Variants in NFXL1 observed in about 807,000 individuals in gnomAD.
NFXL1 encodes the protein nuclear transcription factor, X-box binding like 1, also known as NF-X1-type zinc finger protein NFXL1.
NFXL1 carries 66 observed loss-of-function variants against 123.3 expected under a neutral mutation model. The ratio of observed to expected loss-of-function variants is 0.54; its 90% confidence interval spans 0.44 to 0.66. The LOEUF (loss-of-function observed/expected upper bound fraction) is 0.66. Ranked by LOEUF, NFXL1 falls within the 30% of genes least tolerant of loss-of-function variation. The pLI is 0.00. For missense variants in NFXL1, 944 were observed against 1,125.6 expected, an observed-to-expected ratio of 0.84 and a Z score of 2.31; for synonymous variants, 346 against 360.8, an observed-to-expected ratio of 0.96 and a Z score of 0.46.
At chr4:47,896,750 G>A in intron 9 of NFXL1, 103 bp from the exon 10 acceptor site, 1 of 683,338 alleles carries the variant, frequency 1.5e-6, no homozygotes, top group Non-Finnish European at 2.4e-6. Context: ...AGCACTTTCA[G>A]ACTATAAATT....
At chr4:47,886,402 C>T (rs1447931144) in intron 12 of NFXL1, among the ~76,000 whole-genome samples, 1 of 151,660 alleles carries the variant, frequency 6.6e-6, no homozygotes, top group African/African-American at 2.4e-5. Flanking sequence ...AGGGTCTCAA[C>T]CTGTTGCTCA....
rs754850160 is a variant in NFXL1 at position 47,885,877 on chromosome 4, A to G, written c.1664+2T>C. ...GAAGCTTGTGCAAAGCTTCAAACTCACCTGCATTGCTCCTTGCACTTGGGT... is the reference window on the plus strand; with the variant it reads ...GAAGCTTGTGCAAAGCTTCAAACTCGCCTGCATTGCTCCTTGCACTTGGGT... On this transcript the variant is annotated splice_donor_variant, in intron 13 of 22. Coordinates refer to ENST00000507489, the MANE Select transcript of NFXL1 (RefSeq NM_001278624.2). LOFTEE classifies it high-confidence loss of function. 6.2e-7 allele frequency: 1 copy of G among 1,612,356 alleles called. No individual in the cohort carries two copies. The highest frequency in any genetic ancestry group is 8.5e-7 in the Non-Finnish European group (1 of 1,179,536).
At chr4:47,912,238 T>A (rs1737861741) in intron 2 of NFXL1, among the ~76,000 whole-genome samples, 1 of 152,076 alleles carries the variant, frequency 6.6e-6, no homozygotes, top group South Asian at 2.1e-4. Context: ...AAAGAGATGA[T>A]AAATGTCATT....
chr4:47,868,923 C>T (rs1338702082), intron 18 of NFXL1, among the ~76,000 whole-genome samples: 1 of 152,140 alleles, frequency 6.6e-6, no homozygotes, highest in Non-Finnish European at 1.5e-5. Flanking sequence ...CAAAGAGATA[C>T]AGAAACACAC....
intron 17 of NFXL1, among the ~76,000 whole-genome samples, chr4:47,878,075 A>G (rs1236778414): frequency 6.6e-6 from 1 of 152,010 alleles, no homozygotes; most frequent in Non-Finnish European, 1.5e-5. Flanking sequence ...TTTTACTTTT[A>G]ACAAAAGATT....
intron 20 of NFXL1, among the ~76,000 whole-genome samples, chr4:47,854,011 A>C (rs1734269846): frequency 6.6e-6 from 1 of 152,162 alleles, no homozygotes; most frequent in African/African-American, 2.4e-5. Flanking sequence ...GAGATTTCAG[A>C]GAAAACTTAA....
In NFXL1 at chr4:47,885,587, G is replaced by A. The variant is rs1736382399; in HGVS notation, c.1735C>T (p.His579Tyr). The change falls in exon 14 of 23, where the codon CAT becomes TAT. Residue 579 changes from histidine (H) to tyrosine (Y), a missense_variant. Coordinates refer to ENST00000507489, the MANE Select transcript of NFXL1 (RefSeq NM_001278624.2). ...TCCAAAACTTTTTGGCAAGGTTGAT[G>A]ACATGGTGGACAAGAACCAAAGTGA... ...RCHFGSCPPC[H>Y]QPCQKVLEKC... 1 of 1,613,738 alleles carries A rather than the reference G, an allele frequency of 6.2e-7. No individual in the cohort carries two copies. Among genetic ancestry groups the A allele is most frequent in the South Asian group, 1.1e-5 (1 of 91,078 alleles).
intron 6 of NFXL1, 80 bp from the exon 7 acceptor site, chr4:47,899,200 T>C: frequency 1.5e-6 from 2 of 1,359,040 alleles, no homozygotes; most frequent in Non-Finnish European, 2.0e-6. Flanking sequence ...TCTACACCTA[T>C]CAATAATTTC....
chr4:47,857,485 A>G (rs538019749), intron 19 of NFXL1, among the ~76,000 whole-genome samples: 9 of 152,326 alleles, frequency 5.9e-5, no homozygotes, highest in African/African-American at 1.9e-4. Context: ...AAAGTTAAAA[A>G]TCACTGGTCT....
intron 18 of NFXL1, among the ~76,000 whole-genome samples, chr4:47,868,244 G>T (rs1489423604): frequency 6.6e-6 from 1 of 151,884 alleles, no homozygotes; most frequent in African/African-American, 2.4e-5. Flanking sequence ...GCGTGAACTC[G>T]GGAAGCGGAG....
chr4:47,860,841 G>A (rs1256437564), intron 19 of NFXL1, among the ~76,000 whole-genome samples: 1 of 151,592 alleles, frequency 6.6e-6, no homozygotes, highest in East Asian at 1.9e-4. Flanking sequence ...ACTCTAGAGG[G>A]GGGCCCAGCA....
intron 18 of NFXL1, among the ~76,000 whole-genome samples, chr4:47,870,041 T>C (rs1160419931): frequency 6.6e-6 from 1 of 151,782 alleles, no homozygotes; most frequent in Non-Finnish European, 1.5e-5. Flanking sequence ...TTAGAAAAAA[T>C]AGAGAAAGTT....
At chr4:47,876,352 C>G (rs952792225) in intron 17 of NFXL1, among the ~76,000 whole-genome samples, 5 of 151,834 alleles carry the variant, frequency 3.3e-5, no homozygotes, top group African/African-American at 1.2e-4. Context: ...GGAAGCCTGA[C>G]TGATAAAGAT....
intron 17 of NFXL1, among the ~76,000 whole-genome samples, chr4:47,875,594 T>C (rs1409553475): frequency 6.6e-6 from 1 of 152,170 alleles, no homozygotes; most frequent in Non-Finnish European, 1.5e-5. Context: ...CCACTAAAAA[T>C]GTAAATTACT....
At position 47,847,914 on chromosome 4, in the gene NFXL1, T is replaced by C. The variant is rs1210771219; in HGVS notation, c.*249A>G. 3.1e-5 allele frequency: 9 copies of C among 294,948 alleles called. No individual in the cohort carries two copies. Among genetic ancestry groups the C allele is most frequent in the Non-Finnish European group, 5.6e-5 (9 of 161,906 alleles). 18.3% of individuals were successfully genotyped at this position (294,948 alleles called of 1,614,324 possible). A position where few individuals can be genotyped will look rare whatever the true frequency, so the allele number is the denominator to read the frequency against. On this transcript the variant is annotated 3_prime_UTR_variant, in exon 23 of 23. Transcript: ENST00000507489. ...CCCAATGAACAAAAACACGTTACTCTGCCTCTAGCTAAGCCTTATGAAATA... is the reference window on the plus strand; with the variant it reads ...CCCAATGAACAAAAACACGTTACTCCGCCTCTAGCTAAGCCTTATGAAATA...
chr4:47,899,141 A>G (rs751184722), intron 6 of NFXL1, 21 bp from the exon 7 acceptor site: 1 of 86,530 alleles, frequency 1.2e-5, no homozygotes, highest in South Asian at 2.1e-4. Context: ...GTAAAAGCAA[A>G]AAAAAAAAAA....
chr4:47,907,993 T>C (rs1737638270), intron 3 of NFXL1, among the ~76,000 whole-genome samples: 2 of 152,218 alleles, frequency 1.3e-5, no homozygotes, highest in African/African-American at 2.4e-5. Context: ...TTAGCAGATA[T>C]GGTAAATTCC....
At chr4:47,854,403 A>C (rs1734287654) in intron 20 of NFXL1, among the ~76,000 whole-genome samples, 1 of 152,154 alleles carries the variant, frequency 6.6e-6, no homozygotes, top group Admixed American at 6.6e-5. Flanking sequence ...AGGGAAGATC[A>C]AGGAAACAGA....
rs751672844 is a variant in NFXL1, at chr4:47,851,964, A to G, written c.2422-22T>C. ...ATTCCTACAAACAACCCGATTTTCAAATTTTAAATGATTTTTCCCTCAAAG... is the reference window on the plus strand; with the variant it reads ...ATTCCTACAAACAACCCGATTTTCAGATTTTAAATGATTTTTCCCTCAAAG... On this transcript the variant is annotated intron_variant, in intron 20 of 22. Coordinates refer to ENST00000507489, the MANE Select transcript of NFXL1 (RefSeq NM_001278624.2). The G allele has an allele frequency of 3.9e-6, 6 of 1,554,934 alleles. No individual in the cohort carries two copies. The East Asian group carries it at 1.3e-4, about 35-fold the overall frequency.
Sources: allele counts gnomAD v4.1 joint callset (sites outside exome capture counted in the v4.1 genomes callset), GRCh38; gene constraint gnomAD v4.1.1; transcripts MANE v1.5; gene names NCBI Gene and HGNC (gene_info 2026-07-23, HGNC 2026-07-21).